MYRIP: variants seen among roughly 807,000 people sequenced by gnomAD.
MYRIP encodes the protein myosin VIIA and Rab interacting protein.
In MYRIP, 49 loss-of-function variants were observed where a neutral mutation model predicts 98.0. The ratio of observed to expected loss-of-function variants is 0.50; its 90% CI spans 0.40 to 0.63. MYRIP has a LOEUF of 0.63. MYRIP is among the 30% of genes least tolerant of loss of function. The probability of loss-of-function intolerance (pLI) is 0.00; values close to 1 mark genes in which losing one functional copy is unlikely to be tolerated. For missense variants in MYRIP, 1,004 were observed against 1,058.2 expected (o/e 0.95, Z 0.71); for synonymous variants, 404 against 409.5 (o/e 0.99, Z 0.16).
At chr3:40,204,184 ATATATAAATAT>A (rs1249197556) in intron 10 of MYRIP, among the ~76,000 whole-genome samples, 4 of 57,130 alleles carry the variant, frequency 7.0e-5, no homozygotes, top group South Asian at 5.5e-4. Flanking sequence ...ATATTATATA[ATATATAAATAT>A]TATATTATAT....
intron 2 of MYRIP, among the ~76,000 whole-genome samples, chr3:40,011,313 A>G (rs1946755604): frequency 6.6e-6 from 1 of 152,174 alleles, no homozygotes; most frequent in Non-Finnish European, 1.5e-5. Context: ...AGCAATACCT[A>G]GAAATCAAGA....
At chr3:40,200,924 ATCCTGAG>A (rs1559449222) in intron 10 of MYRIP, among the ~76,000 whole-genome samples, 1 of 152,182 alleles carries the variant, frequency 6.6e-6, no homozygotes, top group East Asian at 1.9e-4. Context: ...GCCTATCACA[ATCCTGAG>A]TCAAAGAAAA....
At chr3:40,029,606 A>G (rs1201235763) in intron 2 of MYRIP, among the ~76,000 whole-genome samples, 1 of 152,196 alleles carries the variant, frequency 6.6e-6, no homozygotes, top group Non-Finnish European at 1.5e-5. Context: ...AGCTGGTGAG[A>G]TGCTTTCTTT....
intron 1 of MYRIP, among the ~76,000 whole-genome samples, chr3:39,845,716 G>A (rs1306958760): frequency 9.2e-5 from 14 of 151,984 alleles, no homozygotes; most frequent in Admixed American, 9.2e-4. Flanking sequence ...GGGGGCTCAA[G>A]GGACTCCTGG....
intron 4 of MYRIP, among the ~76,000 whole-genome samples, chr3:40,158,229 A>G (rs1333301190): frequency 6.6e-6 from 1 of 151,834 alleles, no homozygotes; most frequent in Admixed American, 6.6e-5. Context: ...GAACATATTT[A>G]TTTCTGCCTT....
chr3:39,960,857 T>C (rs1945305672), intron 2 of MYRIP, among the ~76,000 whole-genome samples: 1 of 152,134 alleles, frequency 6.6e-6, no homozygotes, highest in Non-Finnish European at 1.5e-5. Context: ...GGGGACCAAG[T>C]TGTACACTGG....
chr3:40,034,017 A>G (rs77283797), intron 2 of MYRIP, among the ~76,000 whole-genome samples: 55,046 of 151,686 alleles, frequency 0.36, 10,045 homozygotes, highest in Middle Eastern at 0.4. Context: ...CTGGCTAGCC[A>G]TATGTAGAAA....
chr3:39,887,606 G>A (rs1223189532), intron 1 of MYRIP, among the ~76,000 whole-genome samples: 4 of 152,062 alleles, frequency 2.6e-5, no homozygotes, highest in African/African-American at 7.2e-5. Context: ...CATTCCCTTT[G>A]AAAACTGGCA....
chr3:39,916,904 T>G (rs189862466), intron 2 of MYRIP, among the ~76,000 whole-genome samples: 2 of 152,222 alleles, frequency 1.3e-5, no homozygotes, highest in Admixed American at 1.3e-4. Context: ...ACTTTAGACA[T>G]ACAACAGCCC....
intron 2 of MYRIP, among the ~76,000 whole-genome samples, chr3:40,001,264 G>A (rs1946513847): frequency 6.6e-6 from 1 of 152,208 alleles, no homozygotes; most frequent in Admixed American, 6.5e-5. Flanking sequence ...GAAAGTGGTT[G>A]CCTGCAGACT....
intron 2 of MYRIP, among the ~76,000 whole-genome samples, chr3:39,939,772 A>G (rs1944739833): frequency 6.6e-6 from 1 of 152,200 alleles, no homozygotes; most frequent in Non-Finnish European, 1.5e-5. Flanking sequence ...ACCAAAATGT[A>G]AAGATTTAAT....
At chr3:40,027,631 A>C (rs1947164787) in intron 2 of MYRIP, among the ~76,000 whole-genome samples, 1 of 152,252 alleles carries the variant, frequency 6.6e-6, no homozygotes, top group South Asian at 2.1e-4. Flanking sequence ...AGAATACCTC[A>C]TAATTTATAG....
chr3:40,142,086 C>G (rs1224025388), intron 3 of MYRIP, among the ~76,000 whole-genome samples: 1 of 116,972 alleles, frequency 8.5e-6, no homozygotes, highest in Non-Finnish European at 1.7e-5. Flanking sequence ...AAGTCTTGCT[C>G]TTGTCCCCCA....
rs181636806 is a variant in MYRIP, at chr3:40,234,422, A to T, written c.2100+369A>T. 2.8e-4 allele frequency among the ~76,000 whole-genome samples: 42 copies of T among 152,304 alleles called. No homozygotes were observed. The South Asian group carries it at 7.9e-3, about 29-fold the overall frequency. On this transcript the variant is annotated intron_variant, in intron 12 of 16. Coordinates refer to ENST00000302541, the MANE Select transcript of MYRIP (RefSeq NM_015460.4). ...TCAGAGTTGTCCTGACCTAAGGCAA[A>T]AGAACTGGCCCGTCCTACAACCAGC...
At chr3:40,062,249 ATCT>A (rs1948034180) in intron 3 of MYRIP, among the ~76,000 whole-genome samples, 1 of 152,118 alleles carries the variant, frequency 6.6e-6, no homozygotes, top group East Asian at 1.9e-4. Flanking sequence ...TAACTCTTTA[ATCT>A]ATCTTGAGCT....
At chr3:39,835,955 G>A (rs1248609361) in intron 1 of MYRIP, among the ~76,000 whole-genome samples, 7 of 152,132 alleles carry the variant, frequency 4.6e-5, no homozygotes, top group African/African-American at 9.7e-5. Flanking sequence ...AGTATTCCAT[G>A]ATGTATATGT....
At chr3:40,181,894 T>G (rs1288392793) in intron 8 of MYRIP, among the ~76,000 whole-genome samples, 1 of 152,170 alleles carries the variant, frequency 6.6e-6, no homozygotes, top group African/African-American at 2.4e-5. Flanking sequence ...CCACTTTGCA[T>G]GCCCGAGAGC....
chr3:39,810,593 G>A (rs993493485), intron 1 of MYRIP: 2 of 152,378 alleles, frequency 1.3e-5, no homozygotes, highest in East Asian at 3.9e-4. Context: ...GGAGGTAACG[G>A]CGGAGGATCT....
At chr3:40,000,610 G>A (rs774968393) in intron 2 of MYRIP, among the ~76,000 whole-genome samples, 1 of 152,138 alleles carries the variant, frequency 6.6e-6, no homozygotes, top group South Asian at 2.1e-4. Context: ...GCTGTGCCTG[G>A]GAGGTACTTG....
Sources: gnomAD v4.1 joint callset for allele counts (sites outside exome capture counted in the v4.1 genomes callset) on GRCh38, gnomAD v4.1.1 for gene constraint, MANE v1.5 for transcripts, NCBI Gene and HGNC (gene_info 2026-07-23, HGNC 2026-07-21) for gene names.